The following APBB1IP variants were observed in gnomAD, a reference collection of about 807,000 sequenced individuals.
APBB1IP encodes the protein amyloid beta A4 precursor protein-binding family B member 1-interacting protein.
APBB1IP carries 27 observed loss-of-function variants against 64.9 expected under a neutral mutation model. The observed-to-expected ratio is 0.42, with a 90% confidence interval of 0.31 to 0.57. APBB1IP has a LOEUF of 0.57. APBB1IP is among the 20% of genes least tolerant of loss of function. The pLI, the probability that APBB1IP is intolerant of heterozygous loss-of-function variation, is 0.20. For synonymous variants in APBB1IP, 392 were observed against 331.0 expected, an observed-to-expected ratio of 1.18 and a Z score of -2.00; for missense variants, 812 against 845.5, an observed-to-expected ratio of 0.96 and a Z score of 0.49.
chr10:26,530,083 C>T (rs1419777350), intron 8 of APBB1IP, among the ~76,000 whole-genome samples: 1 of 152,182 alleles, frequency 6.6e-6, no homozygotes, highest in Non-Finnish European at 1.5e-5. Flanking sequence ...TATTGGGTCA[C>T]ATCTTTTGTT....
chr10:26,554,401 A>G (rs971777644), intron 11 of APBB1IP, among the ~76,000 whole-genome samples: 3 of 152,192 alleles, frequency 2.0e-5, no homozygotes, highest in African/African-American at 4.8e-5. Flanking sequence ...CGCCTCTTCT[A>G]GCTTCCGGCA....
At chr10:26,457,265 C>T (rs183975028) in intron 2 of APBB1IP, among the ~76,000 whole-genome samples, 154 of 152,224 alleles carry the variant, frequency 1.0e-3, no homozygotes, top group Admixed American at 1.6e-3. Flanking sequence ...TTCTAATGTA[C>T]GCTTCTTTTT....
chr10:26,466,657 C>T (rs1052144395), intron 2 of APBB1IP, among the ~76,000 whole-genome samples: 1 of 152,128 alleles, frequency 6.6e-6, no homozygotes, highest in Admixed American at 6.6e-5. Context: ...AAAGATTAGC[C>T]AGGCATGGTG....
chr10:26,461,819 C>T (rs1049731576), intron 2 of APBB1IP, among the ~76,000 whole-genome samples: 22 of 151,712 alleles, frequency 1.5e-4, no homozygotes, highest in African/African-American at 4.8e-4. Context: ...CTATGTTTTT[C>T]GTAGTTTTTG....
intron 11 of APBB1IP, among the ~76,000 whole-genome samples, chr10:26,549,151 A>C (rs1390187869): frequency 6.6e-6 from 1 of 152,228 alleles, no homozygotes; most frequent in Non-Finnish European, 1.5e-5. Flanking sequence ...ATGCTAAACT[A>C]TCCTTGTATT....
chr10:26,521,577 C>T (rs1274102042), intron 8 of APBB1IP, among the ~76,000 whole-genome samples: 1 of 152,120 alleles, frequency 6.6e-6, no homozygotes. Context: ...CCTCAGCTTA[C>T]TTATCTGTTC....
chr10:26,461,955 C>A (rs549460953), intron 2 of APBB1IP, among the ~76,000 whole-genome samples: 1 of 152,318 alleles, frequency 6.6e-6, no homozygotes, highest in South Asian at 2.1e-4. Flanking sequence ...ACTATTCACA[C>A]TACAATTCTC....
At chr10:26,512,370 C>A (rs1039767308) in intron 7 of APBB1IP, among the ~76,000 whole-genome samples, 1 of 152,088 alleles carries the variant, frequency 6.6e-6, no homozygotes, top group East Asian at 1.9e-4. Context: ...GGCAGGAGAG[C>A]CTGGGTATCT....
chr10:26,458,740 T>C (rs1453297414), intron 2 of APBB1IP, among the ~76,000 whole-genome samples: 1 of 152,198 alleles, frequency 6.6e-6, no homozygotes, highest in Non-Finnish European at 1.5e-5. Flanking sequence ...TCTGGTAGGA[T>C]TTTAAAGCAC....
At chr10:26,507,749 A>G (rs1011037969) in intron 6 of APBB1IP, among the ~76,000 whole-genome samples, 1 of 152,242 alleles carries the variant, frequency 6.6e-6, no homozygotes, top group African/African-American at 2.4e-5. Context: ...TGTATAAAAT[A>G]TATTGTTTAT....
intron 11 of APBB1IP, among the ~76,000 whole-genome samples, chr10:26,553,253 C>T (rs947067756): frequency 2.6e-5 from 4 of 152,064 alleles, no homozygotes; most frequent in African/African-American, 9.7e-5. Flanking sequence ...AACCCCTGAC[C>T]TCATGATCCA....
At chr10:26,443,339 G>A (rs1470309670) in intron 2 of APBB1IP, among the ~76,000 whole-genome samples, 2 of 151,560 alleles carry the variant, frequency 1.3e-5, no homozygotes, top group East Asian at 1.9e-4. Flanking sequence ...CAGGAGAATC[G>A]CTTGAACCCA....
At chr10:26,556,199 C>A (rs1588618558) in intron 11 of APBB1IP, among the ~76,000 whole-genome samples, 1 of 152,300 alleles carries the variant, frequency 6.6e-6, no homozygotes, top group East Asian at 1.9e-4. Flanking sequence ...TGACACTGCA[C>A]CAGCATTTTC....
intron 2 of APBB1IP, among the ~76,000 whole-genome samples, chr10:26,478,345 G>A (rs529682287): frequency 1.3e-5 from 2 of 152,200 alleles, no homozygotes; most frequent in Admixed American, 6.5e-5. Context: ...TGAGTGGGGC[G>A]GGAGGATGGA....
chr10:26,511,913 C>A lies in APBB1IP; in HGVS notation c.691+7C>A, dbSNP rs1298883463. On this transcript the variant is annotated splice_region_variant and intron_variant, in intron 7 of 14. Coordinates refer to ENST00000376236, the MANE Select transcript of APBB1IP (RefSeq NM_019043.4). Reference sequence around the variant, plus strand: ...TACCCGGAACTACAAATTGGTAAGTCCCATCCCCAGCAATGGGCTGTACTC... The same window carrying A: ...TACCCGGAACTACAAATTGGTAAGTACCATCCCCAGCAATGGGCTGTACTC... 1 of 1,614,022 alleles carries A rather than the reference C, an allele frequency of 6.2e-7. No homozygotes were observed.
At chr10:26,472,107 G>T (rs1182239082) in intron 2 of APBB1IP, among the ~76,000 whole-genome samples, 3 of 152,144 alleles carry the variant, frequency 2.0e-5, no homozygotes, top group African/African-American at 4.8e-5. Flanking sequence ...GCTGCGGGGG[G>T]AAGAAAAACA....
intron 8 of APBB1IP, 144 bp downstream of exon 8, chr10:26,513,804 C>G: frequency 1.0e-6 from 1 of 998,526 alleles, no homozygotes; most frequent in Non-Finnish European, 1.4e-6. Context: ...GTGATCTTGG[C>G]TCACTACAAC....
chr10:26,538,084 A>G (rs888673348), intron 10 of APBB1IP, among the ~76,000 whole-genome samples: 2 of 152,204 alleles, frequency 1.3e-5, no homozygotes, highest in Admixed American at 6.5e-5. Flanking sequence ...GCAAAGACTG[A>G]TTTTTCACAG....
At chr10:26,502,570 A>T (rs1245636921) in intron 5 of APBB1IP, among the ~76,000 whole-genome samples, 7 of 151,576 alleles carry the variant, frequency 4.6e-5, no homozygotes, top group Non-Finnish European at 8.8e-5. Context: ...TGAACCCAGG[A>T]GGCGGAGCTT....
Sources: gnomAD v4.1 joint callset for allele counts (sites outside exome capture counted in the v4.1 genomes callset) on GRCh38, gnomAD v4.1.1 for gene constraint, MANE v1.5 for transcripts, NCBI Gene and HGNC (gene_info 2026-07-23, HGNC 2026-07-21) for gene names.